CCSER2: variants seen among roughly 807,000 people sequenced by gnomAD.
CCSER2 encodes serine-rich coiled-coil domain-containing protein 2.
In CCSER2, 46 loss-of-function variants were observed where a neutral mutation model predicts 92.3. That is an observed-to-expected ratio of 0.50 (90% CI 0.39 to 0.64). CCSER2 has a LOEUF of 0.64. Among genes scored for constraint, CCSER2 ranks in the 30% least tolerant of loss-of-function variants. CCSER2 has a pLI of 0.00. For missense variants in CCSER2, 1,244 were observed against 1,238.9 expected, an observed-to-expected ratio of 1.00 and a Z score of -0.06; for synonymous variants, 433 against 431.4, an observed-to-expected ratio of 1.00 and a Z score of -0.04.
chr10:84,383,606 G>A (rs970516760), intron 3 of CCSER2, among the ~76,000 whole-genome samples: 3 of 152,092 alleles, frequency 2.0e-5, no homozygotes, highest in East Asian at 3.9e-4. Flanking sequence ...CACCGTACCC[G>A]GCTGAGGTGC....
rs550198913 is a variant in CCSER2, at chr10:84,355,630, C to G, written c.-39-15384C>G. Among the ~76,000 whole-genome samples, 5 of 152,274 alleles carry G rather than the reference C, an allele frequency of 3.3e-5. 1 individual carries two copies. Among genetic ancestry groups the G allele is most frequent in the South Asian group, 4.1e-4 (2 of 4,830 alleles). ...GAAGGTCTTATTTTATCCACAACCT[C>G]TATCTTAGAGCCTGATTCATAATAG... On this transcript the variant is annotated intron_variant, in intron 1 of 9. Transcript: ENST00000372088.
At chr10:84,361,313 C>G (rs1273968209) in intron 1 of CCSER2, among the ~76,000 whole-genome samples, 1 of 152,234 alleles carries the variant, frequency 6.6e-6, no homozygotes, top group Non-Finnish European at 1.5e-5. Flanking sequence ...TGTCCCGTCT[C>G]TCCTGGGAGG....
At chr10:84,348,776 G>A (rs1844695980) in intron 1 of CCSER2, among the ~76,000 whole-genome samples, 1 of 152,028 alleles carries the variant, frequency 6.6e-6, no homozygotes, top group South Asian at 2.1e-4. Context: ...TCAGAGAAAT[G>A]TTGCAAGACC....
At chr10:84,408,333 GT>G (rs1188966852) in intron 3 of CCSER2, among the ~76,000 whole-genome samples, 1 of 152,120 alleles carries the variant, frequency 6.6e-6, no homozygotes, top group Non-Finnish European at 1.5e-5. Context: ...ATTTTACAGA[GT>G]GGATCTTTAT....
At chr10:84,501,183 C>T (rs748206158) in intron 9 of CCSER2, among the ~76,000 whole-genome samples, 2 of 152,062 alleles carry the variant, frequency 1.3e-5, no homozygotes, top group Non-Finnish European at 2.9e-5. Flanking sequence ...TCACTTCTCT[C>T]GTCTTCAAGT....
intron 9 of CCSER2, among the ~76,000 whole-genome samples, chr10:84,487,864 T>C (rs537107733): frequency 2.9e-4 from 44 of 152,344 alleles, no homozygotes; most frequent in Admixed American, 1.1e-3. Flanking sequence ...GAGTATGATA[T>C]TGGCTGTGGG....
chr10:84,417,015 G>A, intron 3 of CCSER2, among the ~76,000 whole-genome samples: 1 of 152,196 alleles, frequency 6.6e-6, no homozygotes, highest in Non-Finnish European at 1.5e-5. Flanking sequence ...TATATACTAA[G>A]GAAAGGTCTT....
intron 9 of CCSER2, among the ~76,000 whole-genome samples, chr10:84,511,882 T>C (rs1359711322): frequency 6.6e-6 from 1 of 152,206 alleles, no homozygotes; most frequent in Non-Finnish European, 1.5e-5. Flanking sequence ...GCTGTGAAAA[T>C]ACCCAGTGAC....
chr10:84,359,736 G>A (rs1023162965), intron 1 of CCSER2, among the ~76,000 whole-genome samples: 3 of 152,010 alleles, frequency 2.0e-5, no homozygotes, highest in Non-Finnish European at 4.4e-5. Flanking sequence ...GGAGGATAAT[G>A]TGGAATGTGC....
intron 9 of CCSER2, among the ~76,000 whole-genome samples, chr10:84,485,249 A>C (rs1005684812): frequency 6.6e-6 from 1 of 152,146 alleles, no homozygotes; most frequent in Non-Finnish European, 1.5e-5. Flanking sequence ...CCATTTTATA[A>C]CTTGTGTAGT....
chr10:84,507,921 G>A (rs1164310521), intron 9 of CCSER2, among the ~76,000 whole-genome samples: 2 of 152,174 alleles, frequency 1.3e-5, no homozygotes, highest in Non-Finnish European at 2.9e-5. Context: ...GATCATCTAA[G>A]AAGGAAATAG....
chr10:84,457,361 TTATTTTAAATATA>T (rs1471223338), intron 6 of CCSER2, among the ~76,000 whole-genome samples: 4 of 37,142 alleles, frequency 1.1e-4, no homozygotes, highest in South Asian at 1.1e-3. Context: ...ATATATATAT[TTATTTTAAATATA>T]TATTTTAAAT....
chr10:84,492,372 T>G (rs1043888751), intron 9 of CCSER2, among the ~76,000 whole-genome samples: 2 of 149,034 alleles, frequency 1.3e-5, no homozygotes, highest in Admixed American at 6.7e-5. Flanking sequence ...TGGAGAGTTT[T>G]TCTGTAGTTT....
intron 6 of CCSER2, chr10:84,455,385 C>T (rs1468798234): frequency 3.3e-5 from 6 of 181,232 alleles, no homozygotes; most frequent in Admixed American, 6.0e-5. Context: ...AAGTGATTCT[C>T]CTGCCTCAGC....
chr10:84,392,630 A>G (rs540744713), intron 3 of CCSER2, among the ~76,000 whole-genome samples: 6 of 152,206 alleles, frequency 3.9e-5, no homozygotes, highest in African/African-American at 1.4e-4. Flanking sequence ...TTGCCTTCCC[A>G]TAGTAGAAGC....
chr10:84,433,377 A>G (rs1275759530), intron 5 of CCSER2, among the ~76,000 whole-genome samples: 1 of 152,122 alleles, frequency 6.6e-6, no homozygotes, highest in Non-Finnish European at 1.5e-5. Flanking sequence ...TGAAATCAAA[A>G]CTGTGACTCA....
chr10:84,394,854 TG>T (rs1841741685), intron 3 of CCSER2, among the ~76,000 whole-genome samples: 1 of 152,128 alleles, frequency 6.6e-6, no homozygotes, highest in African/African-American at 2.4e-5. Context: ...ATGAAGTTAC[TG>T]GATTACCTAA....
In CCSER2 at chr10:84,477,663, C is replaced by A; in HGVS notation, c.2324C>A (p.Pro775His). The change falls in exon 9 of 10, where the codon CCT (proline) becomes CAT (histidine). Residue 775 changes from proline to histidine, a missense_variant and splice_region_variant. By Grantham distance (77) the Pro-to-His change is moderately conservative. Coordinates refer to ENST00000372088, the MANE Select transcript of CCSER2 (RefSeq NM_001284240.2). ...ACCCAAACACCCTGGAGACGAATTCCTGTAAGTAACATTTGCTCTTAGCCT... is the reference window on the plus strand; with the variant it reads ...ACCCAAACACCCTGGAGACGAATTCATGTAAGTAACATTTGCTCTTAGCCT... ...KYTQTPWRRI[P>H]PQVLQPSSSL... 1 of 1,560,452 alleles carries A rather than the reference C, an allele frequency of 6.4e-7. No individual in the cohort carries two copies. Among genetic ancestry groups the A allele is most frequent in the Non-Finnish European group, 8.8e-7 (1 of 1,132,610 alleles).
chr10:84,481,125 T>TA (rs929808926), intron 9 of CCSER2, among the ~76,000 whole-genome samples: 10 of 152,020 alleles, frequency 6.6e-5, no homozygotes, highest in African/African-American at 2.4e-4. Flanking sequence ...TTAGTTTATT[T>TA]AAAAAAAGCC....
Sources: gnomAD v4.1 joint callset for allele counts (sites outside exome capture counted in the v4.1 genomes callset) on GRCh38, gnomAD v4.1.1 for gene constraint, MANE v1.5 for transcripts, NCBI Gene and HGNC (gene_info 2026-07-23, HGNC 2026-07-21) for gene names.